SASH1: variants seen among roughly 807,000 people sequenced by gnomAD.
SASH1 encodes SAM and SH3 domain containing 1.
A neutral mutation model predicts 125.2 loss-of-function variants in SASH1; 44 were observed. The ratio of observed to expected loss-of-function variants is 0.35; its 90% CI spans 0.28 to 0.45. The LOEUF (loss-of-function observed/expected upper bound fraction) is 0.45. Among genes scored for constraint, SASH1 ranks in the 20% least tolerant of loss-of-function variants. The pLI, the probability that SASH1 is intolerant of heterozygous loss-of-function variation, is 1.00. For synonymous variants in SASH1, 639 were observed against 649.1 expected (o/e 0.98, Z 0.24); for missense variants, 1,426 against 1,614.5 (o/e 0.88, Z 2.00).
intron 1 of SASH1, among the ~76,000 whole-genome samples, chr6:148,368,760 G>GCACACACACA (rs1391322609): frequency 7.4e-4 from 11 of 14,952 alleles, no homozygotes; most frequent in Admixed American, 2.2e-3. Context: ...ACATGCGCGC[G>GCACACACACA]CACGCGCGCG....
At chr6:148,349,294 C>G (rs1455553105) in intron 1 of SASH1, among the ~76,000 whole-genome samples, 1 of 102,054 alleles carries the variant, frequency 9.8e-6, no homozygotes, top group Admixed American at 1.6e-4. Context: ...GTGAGTCAAA[C>G]TCTGTTGCCC....
At chr6:148,486,019 T>A (rs1778823089) in intron 7 of SASH1, among the ~76,000 whole-genome samples, 1 of 152,244 alleles carries the variant, frequency 6.6e-6, no homozygotes, top group Admixed American at 6.5e-5. Context: ...TTCTGAAAGA[T>A]CTCATCTTGC....
intron 2 of SASH1, among the ~76,000 whole-genome samples, chr6:148,419,968 A>G (rs117357834): frequency 2.0e-5 from 3 of 152,364 alleles, no homozygotes; most frequent in Non-Finnish European, 4.4e-5. Context: ...AAGGGAAAGT[A>G]AAGCAAAATT....
upstream of SASH1, among the ~76,000 whole-genome samples, chr6:148,268,191 G>T (rs937535840): frequency 1.3e-5 from 2 of 152,152 alleles, no homozygotes; most frequent in African/African-American, 4.8e-5. Context: ...GCTAGGAAAT[G>T]CACAGAAAGA....
chr6:148,377,186 A>AAAAAAAAAC (rs1395417301), intron 1 of SASH1, among the ~76,000 whole-genome samples: 1 of 142,602 alleles, frequency 7.0e-6, no homozygotes. Context: ...AAAAAAAACA[A>AAAAAAAAAC]AAAAAAAACA....
chr6:148,297,182 C>T (rs989727808), intron 1 of SASH1, among the ~76,000 whole-genome samples: 6 of 152,174 alleles, frequency 3.9e-5, no homozygotes, highest in Non-Finnish European at 7.3e-5. Flanking sequence ...TGCACGCTGT[C>T]GCGGGGAGCA....
At chr6:148,200,915 C>G in the SASH1 span, among the ~76,000 whole-genome samples, 15 of 152,156 alleles carry the variant, frequency 9.9e-5, no homozygotes, top group Admixed American at 9.8e-4. Flanking sequence ...TTCTTTTATT[C>G]TGGGGAAACT....
chr6:148,217,962 C>T, the SASH1 span, among the ~76,000 whole-genome samples: 6,434 of 150,682 alleles, frequency 0.043, 189 homozygotes, highest in East Asian at 0.11. Context: ...CTGCAGTGTG[C>T]TATGATGGCA....
At chr6:148,379,972 C>T (rs1196116277) in intron 1 of SASH1, 5 of 456,278 alleles carry the variant, frequency 1.1e-5, no homozygotes, top group South Asian at 4.6e-5. Flanking sequence ...TTGTGAGATG[C>T]GGAACGTAGG....
At chr6:148,380,304 A>G (rs1198468581) in intron 1 of SASH1, among the ~76,000 whole-genome samples, 1 of 152,256 alleles carries the variant, frequency 6.6e-6, no homozygotes, top group African/African-American at 2.4e-5. Flanking sequence ...AATATTGTAC[A>G]TCATTTAACC....
intron 2 of SASH1, among the ~76,000 whole-genome samples, chr6:148,418,337 C>A: frequency 6.6e-6 from 1 of 152,202 alleles, no homozygotes. Flanking sequence ...GGACAAATGG[C>A]AGTCTACGTG....
the SASH1 span, among the ~76,000 whole-genome samples, chr6:148,263,647 G>GC: frequency 3.3e-5 from 5 of 152,184 alleles, no homozygotes; most frequent in Non-Finnish European, 7.3e-5. Flanking sequence ...TCCATTACAA[G>GC]CCCCCGTTTT....
the SASH1 span, among the ~76,000 whole-genome samples, chr6:148,256,796 A>C: frequency 6.6e-6 from 1 of 152,194 alleles, no homozygotes; most frequent in Non-Finnish European, 1.5e-5. Context: ...CTTATACTTA[A>C]GAGGGTGAAT....
At chr6:148,321,952 G>A (rs1251770426) in intron 1 of SASH1, among the ~76,000 whole-genome samples, 1 of 152,046 alleles carries the variant, frequency 6.6e-6, no homozygotes, top group Non-Finnish European at 1.5e-5. Context: ...TATATAAATG[G>A]TATACATATA....
chr6:148,451,323 C>T (rs867654983), intron 4 of SASH1, among the ~76,000 whole-genome samples: 36 of 152,184 alleles, frequency 2.4e-4, no homozygotes, highest in Admixed American at 1.8e-3. Context: ...CCCAGACTGA[C>T]GGTGTGAATA....
chr6:148,377,169 C>CAAAAAAAAAAAAACAAA (rs1782936384), intron 1 of SASH1, among the ~76,000 whole-genome samples: 3 of 94,218 alleles, frequency 3.2e-5, no homozygotes, highest in South Asian at 3.8e-4. Context: ...GACTCCGTCT[C>CAAAAAAAAAAAAACAAA]AAAAAAAAAA....
At chr6:148,474,616 G>A (rs1778259486) in intron 7 of SASH1, among the ~76,000 whole-genome samples, 1 of 152,150 alleles carries the variant, frequency 6.6e-6, no homozygotes, top group African/African-American at 2.4e-5. Flanking sequence ...ATGTTGCCCA[G>A]ACTGTAGTGC....
intron 1 of SASH1, among the ~76,000 whole-genome samples, chr6:148,332,558 C>G (rs940712118): frequency 6.6e-6 from 1 of 151,486 alleles, no homozygotes; most frequent in Admixed American, 6.6e-5. Flanking sequence ...TAATCGTCTG[C>G]CCTTTAAAAC....
chr6:148,264,536 C>G, the SASH1 span, among the ~76,000 whole-genome samples: 1 of 152,208 alleles, frequency 6.6e-6, no homozygotes, highest in South Asian at 2.1e-4. Flanking sequence ...AAATAGAATT[C>G]ACACTCTTCA....
Sources: gnomAD v4.1 joint callset for allele counts (sites outside exome capture counted in the v4.1 genomes callset) on GRCh38, gnomAD v4.1.1 for gene constraint, MANE v1.5 for transcripts, NCBI Gene and HGNC (gene_info 2026-07-23, HGNC 2026-07-21) for gene names.